AGBL4: variants seen among roughly 807,000 people sequenced by gnomAD.
AGBL4 encodes the protein cytosolic carboxypeptidase 6.
Under a neutral mutation model 66.4 loss-of-function variants are expected in AGBL4, and 58 were observed. The observed-to-expected ratio is 0.87, with a 90% CI of 0.71 to 1.09. AGBL4 has a LOEUF of 1.09. Ranked by LOEUF, AGBL4 falls within the 50% of genes least tolerant of loss-of-function variation. AGBL4 has a pLI of 0.00. For missense variants in AGBL4, 579 were observed against 631.0 expected, an observed-to-expected ratio of 0.92 and a Z score of 0.88; for synonymous variants, 234 against 222.9, an observed-to-expected ratio of 1.05 and a Z score of -0.44.
At chr1:49,414,808 C>G (rs79279995) in intron 3 of AGBL4, among the ~76,000 whole-genome samples, 3,486 of 152,242 alleles carry the variant, frequency 0.023, 142 homozygotes, top group African/African-American at 0.079. Flanking sequence ...ACAATACACT[C>G]TTCATAGGCT....
At chr1:49,582,800 T>G (rs1449820615) in intron 3 of AGBL4, among the ~76,000 whole-genome samples, 2 of 152,168 alleles carry the variant, frequency 1.3e-5, no homozygotes, top group Non-Finnish European at 2.9e-5. Context: ...TCATCTCCCT[T>G]ATTGCGGATT....
chr1:49,678,613 A>C (rs897845296), intron 3 of AGBL4, among the ~76,000 whole-genome samples: 14 of 152,064 alleles, frequency 9.2e-5, no homozygotes, highest in African/African-American at 3.4e-4. Flanking sequence ...TTGCCCTCTC[A>C]GTACTGGTTT....
chr1:48,532,703 A>C (rs548260360), downstream of AGBL4, among the ~76,000 whole-genome samples: 1 of 152,314 alleles, frequency 6.6e-6, no homozygotes, highest in East Asian at 1.9e-4. Context: ...AACTGCTGGA[A>C]ATCAAGACTT....
intron 4 of AGBL4, among the ~76,000 whole-genome samples, chr1:49,188,662 A>G (rs1647058969): frequency 6.6e-6 from 1 of 152,154 alleles, no homozygotes; most frequent in African/African-American, 2.4e-5. Context: ...AGCAGCACAC[A>G]GATCTTAGGG....
At chr1:49,934,520 C>T (rs183064648) in intron 1 of AGBL4, among the ~76,000 whole-genome samples, 38 of 152,108 alleles carry the variant, frequency 2.5e-4, no homozygotes, top group African/African-American at 8.9e-4. Context: ...GAAAGATTCA[C>T]GATTACAGAA....
At chr1:48,996,234 T>C (rs1660982654) in intron 5 of AGBL4, among the ~76,000 whole-genome samples, 1 of 152,254 alleles carries the variant, frequency 6.6e-6, no homozygotes, top group Non-Finnish European at 1.5e-5. Context: ...GCAGACAGTT[T>C]GATTATACTA....
chr1:49,434,475 G>T (rs962334799), intron 3 of AGBL4, among the ~76,000 whole-genome samples: 2 of 152,128 alleles, frequency 1.3e-5, no homozygotes, highest in Admixed American at 6.5e-5. Context: ...GTAAAGCAAA[G>T]AACCACCTCT....
intron 6 of AGBL4, among the ~76,000 whole-genome samples, chr1:48,734,325 C>A (rs1184398630): frequency 1.3e-5 from 2 of 152,130 alleles, no homozygotes; most frequent in Non-Finnish European, 1.5e-5. Flanking sequence ...TACCCTATGT[C>A]CTGCCACCTT....
At chr1:48,576,039 C>T (rs544398912) in intron 11 of AGBL4, among the ~76,000 whole-genome samples, 7 of 152,322 alleles carry the variant, frequency 4.6e-5, no homozygotes, top group African/African-American at 1.7e-4. Context: ...AACAGATCTA[C>T]TCCCTCTGCT....
At chr1:49,596,720 A>G (rs78080812) in intron 3 of AGBL4, among the ~76,000 whole-genome samples, 3,664 of 152,306 alleles carry the variant, frequency 0.024, 124 homozygotes, top group African/African-American at 0.084. Flanking sequence ...TGTTCATACT[A>G]CAGCAAATGT....
chr1:49,285,951 CA>C (rs931985597), intron 3 of AGBL4, among the ~76,000 whole-genome samples: 1 of 152,108 alleles, frequency 6.6e-6, no homozygotes, highest in African/African-American at 2.4e-5. Flanking sequence ...AACATTGATG[CA>C]AAAATCCTCA....
At chr1:49,333,963 T>A (rs1266244132) in intron 3 of AGBL4, among the ~76,000 whole-genome samples, 1 of 152,222 alleles carries the variant, frequency 6.6e-6, no homozygotes, top group African/African-American at 2.4e-5. Context: ...AGATGCAGGC[T>A]CCTACAATTG....
At chr1:49,531,855 T>C (rs1317334527) in intron 3 of AGBL4, among the ~76,000 whole-genome samples, 2 of 152,036 alleles carry the variant, frequency 1.3e-5, no homozygotes, top group Non-Finnish European at 1.5e-5. Flanking sequence ...ACATTTAGAG[T>C]ATAGACATAA....
At chr1:48,648,382 A>T (rs1379570638) in intron 8 of AGBL4, among the ~76,000 whole-genome samples, 3 of 152,180 alleles carry the variant, frequency 2.0e-5, no homozygotes, top group Non-Finnish European at 4.4e-5. Flanking sequence ...TGCTGTAGCC[A>T]TCCCATTCTT....
chr1:48,629,136 A>C (rs1645552496), intron 9 of AGBL4, among the ~76,000 whole-genome samples: 1 of 152,182 alleles, frequency 6.6e-6, no homozygotes, highest in African/African-American at 2.4e-5. Flanking sequence ...ACAAGTACAT[A>C]GTTAGATGCT....
At chr1:49,011,582 A>G (rs957839780) in intron 5 of AGBL4, among the ~76,000 whole-genome samples, 58 of 152,178 alleles carry the variant, frequency 3.8e-4, no homozygotes, top group African/African-American at 1.2e-3. Context: ...ACATGCACAC[A>G]TATGTTTATT....
chr1:49,307,382 A>T (rs988486823), intron 3 of AGBL4, among the ~76,000 whole-genome samples: 3 of 152,162 alleles, frequency 2.0e-5, no homozygotes, highest in African/African-American at 7.2e-5. Flanking sequence ...TAGTCTTTGG[A>T]GAGGAAGAGA....
chr1:49,703,732 C>A (rs1647145362), intron 2 of AGBL4, among the ~76,000 whole-genome samples: 1 of 151,512 alleles, frequency 6.6e-6, no homozygotes, highest in Non-Finnish European at 1.5e-5. Context: ...GCAAGAAAAA[C>A]AAATAAAAGA....
chr1:49,661,998 T>C (rs1053869196), intron 3 of AGBL4, among the ~76,000 whole-genome samples: 22 of 151,992 alleles, frequency 1.4e-4, no homozygotes, highest in Non-Finnish European at 3.1e-4. Flanking sequence ...TAATTTATTA[T>C]TGATACATGT....
Sources: allele counts gnomAD v4.1 joint callset (sites outside exome capture counted in the v4.1 genomes callset), GRCh38; gene constraint gnomAD v4.1.1; transcripts MANE v1.5; gene names NCBI Gene and HGNC (gene_info 2026-07-23, HGNC 2026-07-21).